Variants in HERPUD2 observed in about 807,000 individuals in gnomAD.
HERPUD2 encodes the protein HERPUD family member 2, also known as homocysteine-responsive endoplasmic reticulum-resident ubiquitin-like domain member 2 protein.
A neutral mutation model predicts 49.9 loss-of-function variants in HERPUD2; 13 were observed. That is an observed-to-expected ratio of 0.26 (90% CI 0.17 to 0.41). The LOEUF is 0.41. Among genes scored for constraint, HERPUD2 ranks in the 10% least tolerant of loss-of-function variants. HERPUD2 has a pLI of 1.00. For synonymous variants in HERPUD2, 172 were observed against 171.4 expected (o/e 1.00, Z -0.03); for missense variants, 449 against 492.2 (o/e 0.91, Z 0.83).
intron 2 of HERPUD2, among the ~76,000 whole-genome samples, chr7:35,689,167 T>C (rs1265156118): frequency 6.6e-6 from 1 of 152,184 alleles, no homozygotes; most frequent in African/African-American, 2.4e-5. Flanking sequence ...ACCTTCATAA[T>C]AATGTTATTA....
At chr7:35,637,836 G>A (rs762501700) in intron 6 of HERPUD2, among the ~76,000 whole-genome samples, 1 of 152,172 alleles carries the variant, frequency 6.6e-6, no homozygotes, top group Non-Finnish European at 1.5e-5. Context: ...GAAACAAGGA[G>A]AGGAGAATGG....
chr7:35,678,534 C>T (rs186663077), intron 2 of HERPUD2, among the ~76,000 whole-genome samples: 1,622 of 152,262 alleles, frequency 0.011, 14 homozygotes, highest in Non-Finnish European at 0.014. Flanking sequence ...CTCCTGGCCT[C>T]AAGTGATCCG....
rs1294089469 is a variant in HERPUD2, at chr7:35,674,430, G to T, written c.148-1152C>A. Among the ~76,000 whole-genome samples, 721 of 113,880 alleles carry T rather than the reference G, an allele frequency of 6.3e-3. 33 individuals are homozygous for T. Among genetic ancestry groups the T allele is most frequent in the South Asian group, 0.029 (103 of 3,576 alleles). 74.7% of individuals were successfully genotyped at this position (113,880 alleles called of 152,430 possible). On this transcript the variant is annotated intron_variant, in intron 2 of 8. Transcript: ENST00000311350. Reference sequence around the variant, plus strand: ...AGAGAGAGAGAGAGAGAGAGAGAGAGAGAGAGAGAGAGAGAGAGAGAGAGA... The same window carrying T: ...AGAGAGAGAGAGAGAGAGAGAGAGATAGAGAGAGAGAGAGAGAGAGAGAGA...
chr7:35,684,636 A>G (rs1215722544), intron 2 of HERPUD2, among the ~76,000 whole-genome samples: 8 of 152,186 alleles, frequency 5.3e-5, no homozygotes. Context: ...TAAGTGAAGT[A>G]CTCAGAAATG....
At chr7:35,678,081 T>C (rs912696055) in intron 2 of HERPUD2, among the ~76,000 whole-genome samples, 6 of 152,156 alleles carry the variant, frequency 3.9e-5, no homozygotes, top group African/African-American at 1.4e-4. Context: ...TCCTCCCACA[T>C]CATGCAGTTT....
chr7:35,655,675 G>C (rs1045750255), intron 5 of HERPUD2, among the ~76,000 whole-genome samples: 19 of 152,186 alleles, frequency 1.2e-4, no homozygotes, highest in Admixed American at 2.0e-4. Flanking sequence ...ACACAGTACT[G>C]GGAGTCCTAG....
chr7:35,645,068 G>A (rs1318429797), intron 5 of HERPUD2, among the ~76,000 whole-genome samples: 1 of 152,148 alleles, frequency 6.6e-6, no homozygotes, highest in Non-Finnish European at 1.5e-5. Flanking sequence ...AAACAGAAGG[G>A]GAACTAGATG....
At chr7:35,666,549 C>T (rs1286025556) in intron 5 of HERPUD2, among the ~76,000 whole-genome samples, 1 of 152,228 alleles carries the variant, frequency 6.6e-6, no homozygotes, top group Non-Finnish European at 1.5e-5. Context: ...CCACACACTG[C>T]AGCCCCATGG....
intron 5 of HERPUD2, among the ~76,000 whole-genome samples, chr7:35,654,673 CTTTT>C (rs539830449): frequency 7.7e-6 from 1 of 129,900 alleles, no homozygotes. Context: ...TTGACCAAAA[CTTTT>C]TTTTTTTTTT....
At chr7:35,650,743 AC>A (rs1161190546) in intron 5 of HERPUD2, among the ~76,000 whole-genome samples, 1 of 151,960 alleles carries the variant, frequency 6.6e-6, no homozygotes, top group East Asian at 1.9e-4. Flanking sequence ...ACCAAAGTGT[AC>A]CCCCCCACCA....
chr7:35,690,677 C>A (rs369593549), intron 2 of HERPUD2, among the ~76,000 whole-genome samples: 12 of 152,266 alleles, frequency 7.9e-5, no homozygotes, highest in African/African-American at 2.4e-4. Context: ...GGCGTGGTGT[C>A]ACATGCCTGT....
At chr7:35,691,547 G>A (rs183149017) in intron 2 of HERPUD2, among the ~76,000 whole-genome samples, 5 of 152,294 alleles carry the variant, frequency 3.3e-5, no homozygotes, top group East Asian at 3.9e-4. Flanking sequence ...GGGCACTCCT[G>A]TTCCTACAAA....
chr7:35,674,533 C>T lies in HERPUD2; in HGVS notation c.148-1255G>A, dbSNP rs956843010. On this transcript the variant is annotated intron_variant, in intron 2 of 8. Transcript: ENST00000311350. ...CATGCTGTTTCCTGCCGAACAGCTCCTAAAATCCTTGGAATCTTCAGAAAG... is the reference window on the plus strand; with the variant it reads ...CATGCTGTTTCCTGCCGAACAGCTCTTAAAATCCTTGGAATCTTCAGAAAG... 4.0e-5 allele frequency among the ~76,000 whole-genome samples: 6 copies of T among 149,652 alleles called. 1 individual carries two copies. In the Admixed American group the frequency reaches 4.0e-4, roughly 10 times the overall value.
At chr7:35,686,160 G>A (rs1000797452) in intron 2 of HERPUD2, among the ~76,000 whole-genome samples, 2 of 151,352 alleles carry the variant, frequency 1.3e-5, no homozygotes, top group East Asian at 3.9e-4. Context: ...TATTTATCCA[G>A]CCCTGCTAAT....
Position 35,666,517 on chromosome 7 carries a change from T to C in HERPUD2, c.494+917A>G, listed in dbSNP as rs970194981. On this transcript the variant is annotated intron_variant, in intron 5 of 8. Transcript: ENST00000311350. Reference sequence around the variant, plus strand: ...AGCCATATTCTCATTTCTAGCTCCATCATCATGGATCCAGACCAGTGCCAC... The same window carrying C: ...AGCCATATTCTCATTTCTAGCTCCACCATCATGGATCCAGACCAGTGCCAC... 9.2e-5 allele frequency among the ~76,000 whole-genome samples: 14 copies of C among 152,210 alleles called. 1 individual carries two copies. The highest frequency in any genetic ancestry group is 3.1e-4 in the African/African-American group (13 of 41,464).
intron 2 of HERPUD2, among the ~76,000 whole-genome samples, chr7:35,682,326 CGTGTGTGTGTGTGTGTGT>C: frequency 6.1e-5 from 1 of 16,314 alleles, no homozygotes; most frequent in Non-Finnish European, 1.2e-4. Flanking sequence ...CACATACACA[CGTGTGTGTGTGTGTGTGT>C]GTGTGTGTGT....
chr7:35,656,144 A>G (rs1229403175), intron 5 of HERPUD2, among the ~76,000 whole-genome samples: 1 of 152,222 alleles, frequency 6.6e-6, no homozygotes. Context: ...ACTGGGCAAC[A>G]AGAGTGAAAC....
At chr7:35,652,071 T>C (rs766500707) in intron 5 of HERPUD2, among the ~76,000 whole-genome samples, 10 of 152,216 alleles carry the variant, frequency 6.6e-5, no homozygotes, top group African/African-American at 1.2e-4. Context: ...AGTCAGCATA[T>C]GATTCCAGGC....
intron 5 of HERPUD2, among the ~76,000 whole-genome samples, chr7:35,656,628 A>C (rs1785280452): frequency 1.3e-5 from 2 of 152,172 alleles, no homozygotes; most frequent in Admixed American, 1.3e-4. Context: ...CAGAAGACCA[A>C]TGGAACATAA....
Sources: allele counts gnomAD v4.1 joint callset (sites outside exome capture counted in the v4.1 genomes callset), GRCh38; gene constraint gnomAD v4.1.1; transcripts MANE v1.5; gene names NCBI Gene and HGNC (gene_info 2026-07-23, HGNC 2026-07-21).